The following BLTP3B variants were observed in gnomAD, a reference collection of about 807,000 sequenced individuals.
BLTP3B encodes the protein UHRF1 (ICBP90) binding protein 1-like.
At chr12:100,069,551 T>C in the BLTP3B span, among the ~76,000 whole-genome samples, 2 of 152,130 alleles carry the variant, frequency 1.3e-5, no homozygotes, top group African/African-American at 2.4e-5. Flanking sequence ...ATTAATGGCA[T>C]TTGCAGCAAC....
At chr12:100,047,498 T>C in the BLTP3B span, 1,014 of 1,525,496 alleles carry the variant, frequency 6.6e-4, 11 homozygotes, top group Non-Finnish European at 1.2e-4. Context: ...AAATTCCATC[T>C]CATAAATAAA....
the BLTP3B span, among the ~76,000 whole-genome samples, chr12:100,096,415 A>G: frequency 2.0e-5 from 3 of 152,238 alleles, no homozygotes; most frequent in African/African-American, 7.2e-5. Flanking sequence ...CTGATAAATT[A>G]TATAATTACT....
chr12:100,051,763 A>G, the BLTP3B span: 4 of 152,444 alleles, frequency 2.6e-5, no homozygotes, highest in East Asian at 5.8e-4. Context: ...TATTTCCACT[A>G]AAGTGAACAA....
At chr12:100,128,020 C>T in the BLTP3B span, among the ~76,000 whole-genome samples, 2 of 151,776 alleles carry the variant, frequency 1.3e-5, no homozygotes, top group African/African-American at 4.9e-5. Flanking sequence ...CCCCCCACCA[C>T]CCCTACCACT....
At chr12:100,061,378 G>T in the BLTP3B span, among the ~76,000 whole-genome samples, 66 of 152,246 alleles carry the variant, frequency 4.3e-4, 1 homozygote, top group African/African-American at 1.5e-3. Context: ...TATATGCAGG[G>T]CCGGCGCGGT....
the BLTP3B span, among the ~76,000 whole-genome samples, chr12:100,081,095 T>C: frequency 7.2e-5 from 11 of 152,316 alleles, no homozygotes; most frequent in South Asian, 1.9e-3. Flanking sequence ...TGCTCCTCCT[T>C]GCCTTCCGCC....
chr12:100,131,951 G>T, the BLTP3B span, among the ~76,000 whole-genome samples: 2 of 151,954 alleles, frequency 1.3e-5, no homozygotes, highest in Non-Finnish European at 2.9e-5. Context: ...CACCATGCCC[G>T]GCTAATTTTT....
chr12:100,109,777 A>C, the BLTP3B span, among the ~76,000 whole-genome samples: 1 of 152,052 alleles, frequency 6.6e-6, no homozygotes, highest in Non-Finnish European at 1.5e-5. Context: ...GAAAAAAAAA[A>C]AAAAAAAGAT....
chr12:100,111,529 G>A, the BLTP3B span, among the ~76,000 whole-genome samples: 4 of 151,940 alleles, frequency 2.6e-5, no homozygotes, highest in Non-Finnish European at 5.9e-5. Flanking sequence ...TTGGCTCACT[G>A]CAACCTCCAC....
At chr12:100,088,199 T>G in the BLTP3B span, among the ~76,000 whole-genome samples, 1 of 152,160 alleles carries the variant, frequency 6.6e-6, no homozygotes. Flanking sequence ...CTCTATTGTT[T>G]AAAGGTCTTC....
chr12:100,093,741 G>C, the BLTP3B span, among the ~76,000 whole-genome samples: 3 of 152,216 alleles, frequency 2.0e-5, no homozygotes, highest in Admixed American at 2.0e-4. Flanking sequence ...AAGGTGGAAT[G>C]TGTGGAACTC....
At chr12:100,058,119 A>G in the BLTP3B span, 2 of 1,613,132 alleles carry the variant, frequency 1.2e-6, no homozygotes, top group Non-Finnish European at 8.5e-7. Flanking sequence ...TGCTTCTGGA[A>G]GCAAATCTTC....
the BLTP3B span, among the ~76,000 whole-genome samples, chr12:100,111,244 T>C: frequency 2.0e-5 from 3 of 150,272 alleles, no homozygotes; most frequent in African/African-American, 7.3e-5. Context: ...CATCATAAAA[T>C]CCCATGACTA....
At chr12:100,051,241 A>T in the BLTP3B span, 1 of 1,604,162 alleles carries the variant, frequency 6.2e-7, no homozygotes, top group Non-Finnish European at 8.5e-7. Flanking sequence ...CACAAAAGTA[A>T]ATTAATAAAT....
At chr12:100,127,012 T>C in the BLTP3B span, among the ~76,000 whole-genome samples, 7 of 151,932 alleles carry the variant, frequency 4.6e-5, no homozygotes, top group East Asian at 3.8e-4. Flanking sequence ...TGGTTAAAAC[T>C]TGGAATACAA....
chr12:100,076,684 G>A, the BLTP3B span, among the ~76,000 whole-genome samples: 9 of 152,282 alleles, frequency 5.9e-5, no homozygotes, highest in African/African-American at 1.9e-4. Flanking sequence ...GTGAGCCAAC[G>A]TGCCCAGCCA....
chr12:100,042,880 A>G, the BLTP3B span, among the ~76,000 whole-genome samples: 3 of 152,096 alleles, frequency 2.0e-5, no homozygotes, highest in African/African-American at 7.2e-5. Context: ...GCTCACTGCA[A>G]CCTCCGCCTC....
chr12:100,048,965 G>C, the BLTP3B span, among the ~76,000 whole-genome samples: 1 of 152,080 alleles, frequency 6.6e-6, no homozygotes, highest in Non-Finnish European at 1.5e-5. Context: ...AACCCCTGAA[G>C]TAAATTACTT....
At chr12:100,111,169 TATA>T in the BLTP3B span, among the ~76,000 whole-genome samples, 4 of 152,146 alleles carry the variant, frequency 2.6e-5, no homozygotes, top group African/African-American at 9.7e-5. Flanking sequence ...ATGTTTATAT[TATA>T]ATGTTTGATG....
Sources: allele counts gnomAD v4.1 joint callset (sites outside exome capture counted in the v4.1 genomes callset), GRCh38; gene constraint gnomAD v4.1.1; transcripts MANE v1.5; gene names NCBI Gene and HGNC (gene_info 2026-07-23, HGNC 2026-07-21).